The following AP1G1 variants were observed in gnomAD, a reference collection of about 807,000 sequenced individuals.
AP1G1 encodes the protein adaptor related protein complex 1 subunit gamma 1.
A neutral mutation model predicts 108.3 loss-of-function variants in AP1G1; 7 were observed. That is an observed-to-expected ratio of 0.06 (90% CI 0.04 to 0.12). The LOEUF is 0.12. AP1G1 is among the 10% of genes least tolerant of loss of function. The probability of loss-of-function intolerance (pLI) is 1.00; values close to 1 mark genes in which losing one functional copy is unlikely to be tolerated. For synonymous variants in AP1G1, 379 were observed against 353.5 expected (o/e 1.07, Z -0.81); for missense variants, 756 against 1,010.7 (o/e 0.75, Z 3.42).
intron 15 of AP1G1, among the ~76,000 whole-genome samples, chr16:71,748,999 C>T (rs969870105): frequency 9.2e-5 from 14 of 152,042 alleles, no homozygotes; most frequent in South Asian, 2.1e-4. Flanking sequence ...CTCCACCTCC[C>T]GGGTTCACGC....
chr16:71,765,772 G>T, intron 6 of AP1G1, 188 bp from the exon 7 acceptor site: 1 of 520,434 alleles, frequency 1.9e-6, no homozygotes, highest in South Asian at 2.0e-5. Context: ...TCAAGAAGTA[G>T]TATGTATTTT....
In AP1G1 at chr16:71,758,827, A is replaced by T; in HGVS notation, c.1069T>A (p.Leu357Met). The change falls in exon 11 of 23, where the codon TTG (leucine) becomes ATG (methionine). Residue 357 changes from leucine to methionine, a missense_variant. Leu to Met is a conservative substitution (Grantham distance 15). Transcript: ENST00000299980. ...RSTIVDCLKDLDVSIKRRAME... is the reference protein window; with the variant it reads ...RSTIVDCLKDMDVSIKRRAME... ...TGTTACCGTTTTATTGAGACATCCA[A>T]ATCTTTAAGACAGTCCACAATTGTG... 2.5e-6 allele frequency: 4 copies of T among 1,603,366 alleles called. No homozygotes were observed. Among genetic ancestry groups the T allele is most frequent in the Non-Finnish European group, 3.4e-6 (4 of 1,175,490 alleles).
At chr16:71,785,618 C>T (rs967008078) in intron 2 of AP1G1, among the ~76,000 whole-genome samples, 6 of 149,498 alleles carry the variant, frequency 4.0e-5, no homozygotes, top group African/African-American at 1.5e-4. Flanking sequence ...GGAATGGTGG[C>T]TCACGCCTGT....
At chr16:71,734,439 T>G (rs2045508046) in intron 22 of AP1G1, 170 bp downstream of exon 22, 1 of 608,320 alleles carries the variant, frequency 1.6e-6, no homozygotes, top group Non-Finnish European at 2.9e-6. Context: ...ACCTGATGTC[T>G]CTGGGTTCCA....
chr16:71,799,998 A>T (rs1040517744), intron 1 of AP1G1, among the ~76,000 whole-genome samples: 1 of 151,838 alleles, frequency 6.6e-6, no homozygotes, highest in Non-Finnish European at 1.5e-5. Context: ...ATGCAGGCAG[A>T]TTGCTCAAGC....
intron 1 of AP1G1, 137 bp downstream of exon 1, chr16:71,808,626 C>G: frequency 7.8e-7 from 1 of 1,289,710 alleles, no homozygotes; most frequent in Non-Finnish European, 1.0e-6. Context: ...CCTGGCCCAG[C>G]TTCTCTGTCT....
At position 71,787,124 on chromosome 16, in the gene AP1G1, G is replaced by A. The variant is rs552412792; in HGVS notation, c.201+2155C>T. On this transcript the variant is annotated intron_variant, in intron 2 of 22. Transcript: ENST00000299980. ...TAACGAGGTCAGGAATTCGAGACCA[G>A]CCTGGCCAATATGGTAACATTCCGT... 7.9e-5 allele frequency among the ~76,000 whole-genome samples: 12 copies of A among 151,964 alleles called. No individual in the cohort carries two copies. In the South Asian group the frequency reaches 2.3e-3, roughly 29 times the overall value.
chr16:71,806,533 G>T (rs774056922), intron 1 of AP1G1, among the ~76,000 whole-genome samples: 1 of 152,164 alleles, frequency 6.6e-6, no homozygotes. Context: ...GAGCCACTGA[G>T]CGCCCGCCTG....
At chr16:71,764,820 GA>G in intron 7 of AP1G1, 94 bp from the exon 8 acceptor site, 4 of 751,018 alleles carry the variant, frequency 5.3e-6, no homozygotes, top group Non-Finnish European at 8.8e-6. Flanking sequence ...TGAAGTCTTA[GA>G]AATTCATTTG....
At chr16:71,738,800 A>G in intron 21 of AP1G1, 142 bp downstream of exon 21, 1 of 748,540 alleles carries the variant, frequency 1.3e-6, no homozygotes, top group Non-Finnish European at 2.1e-6. Context: ...TCCATGAACC[A>G]TAAGCTACAT....
rs1433337333 is a variant in AP1G1, at chr16:71,744,566, AGT to A, written c.1999+576_1999+577del. The stretch of plus-strand genomic sequence containing the variant: ...TATATTTTTTGAGCTTGAAAGAGAA[AGT>A]GTGTTTTTTTTTTTTTTTTTTTGGA... On this transcript the variant is annotated intron_variant, in intron 19 of 22. Transcript: ENST00000299980. Among the ~76,000 whole-genome samples, 17 of 119,006 alleles carry A rather than the reference AGT, an allele frequency of 1.4e-4. No individual in the cohort carries two copies. The Admixed American group carries it at 1.8e-3, about 13-fold the overall frequency. 78.1% of individuals were successfully genotyped at this position (119,006 alleles called of 152,430 possible).
intron 1 of AP1G1, among the ~76,000 whole-genome samples, chr16:71,792,429 T>C (rs2032439303): frequency 6.6e-6 from 1 of 152,174 alleles, no homozygotes; most frequent in South Asian, 2.1e-4. Flanking sequence ...AGAAAGTCTA[T>C]TCTGAAAATC....
chr16:71,756,392 C>T (rs1050335577), intron 11 of AP1G1: 13 of 384,100 alleles, frequency 3.4e-5, no homozygotes, highest in Admixed American at 1.4e-4. Flanking sequence ...AAAGTCCCTA[C>T]GAGATATACC....
Position 71,755,933 on chromosome 16 carries a change from C to T in AP1G1, c.1229+86G>A, listed in dbSNP as rs529568038. The T allele has an allele frequency of 1.6e-5, 23 of 1,461,986 alleles. No homozygotes were observed. In the South Asian group the frequency reaches 1.8e-4, roughly 11 times the overall value. The allele number at this position is 1,461,986 out of a possible 1,614,324, so 90.6% of individuals were successfully genotyped here. A position where few individuals can be genotyped will look rare whatever the true frequency, so the allele number is the denominator to read the frequency against. ...TGCTGAGACTGCAGGCGTGTGCCAC[C>T]GCGCCCAGCCCCCTCCCCATGTTTT... is the stretch of plus-strand genomic sequence containing the variant. On this transcript the variant is annotated intron_variant, in intron 12 of 22. Transcript: ENST00000299980.
At position 71,729,818 on chromosome 16, in the gene AP1G1, T is replaced by C. The variant is rs2045461344; in HGVS notation, c.*3240A>G. On this transcript the variant is annotated 3_prime_UTR_variant, in exon 23 of 23. Coordinates refer to ENST00000299980, the MANE Select transcript of AP1G1 (RefSeq NM_001128.6). ...CTAGTTTTCTCAGTTTAGGACACTG[T>C]GGTTAAAATACATTCACTAGAAAAA... The C allele has an allele frequency of 6.6e-6, 1 of 152,622 alleles. No homozygotes were observed. The allele number at this position is 152,622 out of a possible 1,614,324, so 9.5% of individuals were successfully genotyped here.
At chr16:71,785,022 A>G (rs1038245865) in intron 2 of AP1G1, among the ~76,000 whole-genome samples, 2 of 150,812 alleles carry the variant, frequency 1.3e-5, no homozygotes, top group African/African-American at 4.9e-5. Flanking sequence ...TTCTTTAATC[A>G]ATATATCTAA....
intron 9 of AP1G1, among the ~76,000 whole-genome samples, chr16:71,762,808 C>T (rs2031149898): frequency 6.6e-6 from 1 of 152,046 alleles, no homozygotes; most frequent in African/African-American, 2.4e-5. Context: ...CTCTAGCAAA[C>T]TAACCAAAAC....
chr16:71,782,829 A>G (rs1350191324), intron 2 of AP1G1, among the ~76,000 whole-genome samples: 1 of 152,082 alleles, frequency 6.6e-6, no homozygotes, highest in Non-Finnish European at 1.5e-5. Context: ...TTTTGGGGGT[A>G]TGACTGCCTC....
Position 71,771,238 on chromosome 16 carries a change from A to T in AP1G1, c.483T>A (p.Ala161=). ...SYLRKKAALC[A]VHVIRKVPEL... The stretch of plus-strand genomic sequence containing the variant: ...CAGGAACTTTCCTGATGACATGAAC[A>T]GCACACAGTGCTGCCTATGAAAAAA... The change falls in exon 5 of 23, where the codon GCT becomes GCA. Residue 161 remains alanine (A), a synonymous_variant. Coordinates refer to ENST00000299980, the MANE Select transcript of AP1G1 (RefSeq NM_001128.6). 6.2e-7 allele frequency: 1 copy of T among 1,600,978 alleles called. No homozygotes were observed.
Sources: gnomAD v4.1 joint callset for allele counts (sites outside exome capture counted in the v4.1 genomes callset) on GRCh38, gnomAD v4.1.1 for gene constraint, MANE v1.5 for transcripts, NCBI Gene and HGNC (gene_info 2026-07-23, HGNC 2026-07-21) for gene names.